Variants in EDC3 observed in about 807,000 individuals in gnomAD.
EDC3 encodes enhancer of mRNA decapping 3.
EDC3 carries 20 observed loss-of-function variants against 41.8 expected under a neutral mutation model. That is an observed-to-expected ratio of 0.48 (90% CI 0.34 to 0.70). The LOEUF is 0.70. EDC3 is among the 30% of genes least tolerant of loss of function. The pLI, the probability that EDC3 is intolerant of heterozygous loss-of-function variation, is 0.01. For synonymous variants in EDC3, 206 were observed against 243.2 expected, an observed-to-expected ratio of 0.85 and a Z score of 1.42; for missense variants, 444 against 636.8, an observed-to-expected ratio of 0.70 and a Z score of 3.26.
chr15:74,646,070 T>G (rs201482399), intron 4 of EDC3, among the ~76,000 whole-genome samples: 6,980 of 150,264 alleles, frequency 0.046, 167 homozygotes, highest in Middle Eastern at 0.13. Flanking sequence ...TTTTGTTTTT[T>G]TTTTTTTTTT....
In EDC3 at chr15:74,632,587, A is replaced by G. The variant is rs2062224241; in HGVS notation, c.*25T>C. 1.2e-6 allele frequency: 2 copies of G among 1,604,230 alleles called. No individual in the cohort carries two copies. The highest frequency in any genetic ancestry group is 1.7e-6 in the Non-Finnish European group (2 of 1,173,146). The stretch of plus-strand genomic sequence containing the variant: ...GTTATCAGGAGCAGCAGGGGACAGC[A>G]GAGTCCTGCCTGCGCAGGAACCCTC... On this transcript the variant is annotated 3_prime_UTR_variant, in exon 7 of 7. Coordinates refer to ENST00000315127, the MANE Select transcript of EDC3 (RefSeq NM_025083.5). The surrounding 1 kb of genome is among the most constrained non-coding windows in gnomAD (Gnocchi z 4.0).
At chr15:74,651,454 C>T (rs1323900031) in intron 4 of EDC3, among the ~76,000 whole-genome samples, 1 of 152,242 alleles carries the variant, frequency 6.6e-6, no homozygotes, top group Non-Finnish European at 1.5e-5. Context: ...TTCCCCATCA[C>T]AACACACACA....
intron 1 of EDC3, among the ~76,000 whole-genome samples, chr15:74,681,387 A>G (rs975209537): frequency 2.0e-5 from 3 of 151,910 alleles, no homozygotes; most frequent in African/African-American, 7.3e-5. Context: ...TCCTGACCCC[A>G]TGATCCACCC....
intron 1 of EDC3, among the ~76,000 whole-genome samples, chr15:74,684,758 C>T (rs776495855): frequency 9.2e-5 from 14 of 152,088 alleles, no homozygotes; most frequent in Non-Finnish European, 1.6e-4. Flanking sequence ...GGAAATTTAG[C>T]AAGGTCACAG....
At chr15:74,644,582 C>T (rs1306696541) in intron 4 of EDC3, 2 of 151,852 alleles carry the variant, frequency 1.3e-5, no homozygotes, top group Non-Finnish European at 2.9e-5. Context: ...CAGCAAACCA[C>T]CATGGCACGT....
Position 74,679,151 on chromosome 15 carries a change from G to A in EDC3, c.-18-4009C>T, listed in dbSNP as rs1038995497. On this transcript the variant is annotated intron_variant, in intron 1 of 6. Transcript: ENST00000315127. The stretch of plus-strand genomic sequence containing the variant: ...GGGGAGGTTGCAGTTAGCCAAGATC[G>A]CGCCACTGCACTCCAGCCCAGGTGA... Among the ~76,000 whole-genome samples, 11 of 152,032 alleles carry A rather than the reference G, an allele frequency of 7.2e-5. No individual in the cohort carries two copies. The South Asian group carries it at 1.0e-3, about 14-fold the overall frequency.
intron 3 of EDC3, among the ~76,000 whole-genome samples, chr15:74,662,939 GACT>G (rs2062636729): frequency 2.0e-5 from 3 of 152,192 alleles, no homozygotes; most frequent in African/African-American, 7.2e-5. Flanking sequence ...AGGCAGGTCA[GACT>G]TGCCAAATGA....
At chr15:74,690,739 G>A (rs2062997952) in intron 1 of EDC3, among the ~76,000 whole-genome samples, 1 of 152,180 alleles carries the variant, frequency 6.6e-6, no homozygotes, top group Non-Finnish European at 1.5e-5. Context: ...TTGAGGCCAG[G>A]AGTTTCAGAC....
intron 1 of EDC3, among the ~76,000 whole-genome samples, chr15:74,691,973 C>T (rs530019889): frequency 2.6e-5 from 4 of 152,116 alleles, no homozygotes; most frequent in East Asian, 1.9e-4. Flanking sequence ...CCCACCAACA[C>T]GCCCGGCTAA....
At chr15:74,675,537 G>A (rs2062795448) in intron 1 of EDC3, among the ~76,000 whole-genome samples, 1 of 149,186 alleles carries the variant, frequency 6.7e-6, no homozygotes, top group African/African-American at 2.5e-5. Flanking sequence ...TCTTGCTGAT[G>A]ATGATAATAA....
At position 74,671,836 on chromosome 15, in the gene EDC3, G is replaced by C; in HGVS notation, c.165-62C>G. ...ATAGTGGTAAGAATGATGAAACTGA[G>C]ATCATTAGCAAACAGCTACCCCTTT... On this transcript the variant is annotated intron_variant, in intron 2 of 6. Coordinates refer to ENST00000315127, the MANE Select transcript of EDC3 (RefSeq NM_025083.5). This position sits in a 1 kb window ranked among gnomAD's most constrained non-coding sequence, Gnocchi z 4.6. 1.3e-6 allele frequency: 2 copies of C among 1,505,164 alleles called. No homozygotes were observed. Among genetic ancestry groups the C allele is most frequent in the Non-Finnish European group, 1.8e-6 (2 of 1,091,720 alleles). The allele number at this position is 1,505,164 out of a possible 1,614,324, so 93.2% of individuals were successfully genotyped here. A position where few individuals can be genotyped will look rare whatever the true frequency, so the allele number is the denominator to read the frequency against.
chr15:74,661,619 T>G (rs1369138177), intron 3 of EDC3, among the ~76,000 whole-genome samples: 1 of 151,078 alleles, frequency 6.6e-6, no homozygotes, highest in African/African-American at 2.4e-5. Context: ...TAATCCCAGC[T>G]ACTCAGGAGG....
intron 4 of EDC3, 37 bp from the exon 5 acceptor site, chr15:74,640,656 T>C (rs749058163): frequency 6.2e-7 from 1 of 1,613,388 alleles, no homozygotes; most frequent in Admixed American, 1.7e-5. Flanking sequence ...GGAAAGTGAC[T>C]ACAGAAACCA....
At position 74,655,815 on chromosome 15, in the gene EDC3, A is replaced by G. The variant is rs145915480; in HGVS notation, c.738T>C (p.His246=). Residue 246 remains histidine (H), a synonymous_variant, in exon 4 of 7, where the codon CAT becomes CAC. Coordinates refer to ENST00000315127, the MANE Select transcript of EDC3 (RefSeq NM_025083.5). ...IPNERPTRYR[H]DENILESEPI... is the part of the protein sequence containing the mutation. ...GCTCGGACTCCAAGATGTTCTCATC[A>G]TGGCGGTACCGAGTGGGCCTTTCAT... 2 of 1,614,176 alleles carry G rather than the reference A, an allele frequency of 1.2e-6. No homozygotes were observed. Among genetic ancestry groups the G allele is most frequent in the Admixed American group, 1.7e-5 (1 of 60,018 alleles).
intron 3 of EDC3, among the ~76,000 whole-genome samples, chr15:74,658,729 A>G (rs543070705): frequency 6.6e-6 from 1 of 150,468 alleles, no homozygotes; most frequent in Non-Finnish European, 1.5e-5. Flanking sequence ...TCATGAGGTC[A>G]GGAGATCGAG....
chr15:74,643,364 G>C (rs187917683), intron 4 of EDC3: 3 of 152,278 alleles, frequency 2.0e-5, no homozygotes, highest in Admixed American at 2.0e-4. Flanking sequence ...TACAGCTGCT[G>C]GTGAAACAAG....
At chr15:74,661,430 G>A (rs1428808645) in intron 3 of EDC3, among the ~76,000 whole-genome samples, 1 of 152,082 alleles carries the variant, frequency 6.6e-6, no homozygotes. Context: ...AGTTTTATTG[G>A]CGCACAGTCA....
intron 4 of EDC3, 137 bp from the exon 5 acceptor site, chr15:74,640,756 G>T: frequency 1.9e-6 from 2 of 1,064,996 alleles, no homozygotes; most frequent in Non-Finnish European, 2.7e-6. Flanking sequence ...CATCTTCCGG[G>T]ACTAAGGCAC....
chr15:74,652,884 G>GA (rs1488779030), intron 4 of EDC3, among the ~76,000 whole-genome samples: 1 of 151,844 alleles, frequency 6.6e-6, no homozygotes, highest in African/African-American at 2.4e-5. Flanking sequence ...CTGGCCAATG[G>GA]AAAACCCTTT....
Sources: gnomAD v4.1 joint callset for allele counts (sites outside exome capture counted in the v4.1 genomes callset) on GRCh38, gnomAD v4.1.1 for gene constraint, Gnocchi (gnomAD v3.1) non-coding constraint, MANE v1.5 for transcripts, NCBI Gene and HGNC (gene_info 2026-07-23, HGNC 2026-07-21) for gene names.